Variants in PKHD1 observed in about 807,000 individuals in gnomAD.
The protein encoded by PKHD1 is fibrocystin.
A neutral mutation model predicts 412.0 loss-of-function variants in PKHD1; 291 were observed. The observed-to-expected ratio is 0.71, with a 90% CI of 0.64 to 0.78. The LOEUF (loss-of-function observed/expected upper bound fraction) is 0.78. Among genes scored for constraint, PKHD1 ranks in the 30% least tolerant of loss-of-function variants. PKHD1 has a pLI of 0.00. For missense variants in PKHD1, 4,825 were observed against 4,950.7 expected (o/e 0.97, Z 0.76); for synonymous variants, 1,777 against 1,821.5 (o/e 0.98, Z 0.62).
Position 52,083,209 on chromosome 6 carries a change from T to G in PKHD1, c.99A>C (p.Ala33=). The G allele has an allele frequency of 6.2e-7, 1 of 1,612,058 alleles. No homozygotes were observed. Among genetic ancestry groups the G allele is most frequent in the Admixed American group, 1.7e-5 (1 of 60,020 alleles). ...AAATGACTGTGATCCACGTTCCCCCTGCAAGGCTACCTTCTTCAGGTTCAA... is the reference window on the plus strand; with the variant it reads ...AAATGACTGTGATCCACGTTCCCCCGGCAAGGCTACCTTCTTCAGGTTCAA... ...LHIEPEEGSL[A]GGTWITVIFD... The change falls in exon 3 of 67, where the codon GCA becomes GCC. Residue 33 remains alanine (A), a synonymous_variant. Coordinates refer to ENST00000371117, the MANE Select transcript of PKHD1 (RefSeq NM_138694.4).
intron 61 of PKHD1, among the ~76,000 whole-genome samples, chr6:51,658,470 T>G (rs1317691939): frequency 6.6e-6 from 1 of 152,136 alleles, no homozygotes; most frequent in Non-Finnish European, 1.5e-5. Context: ...TTCTACCAAA[T>G]TCCACATTCA....
chr6:51,974,099 G>A lies in PKHD1; in HGVS notation c.5752-14073C>T, dbSNP rs115434374. ...ACCCCATGAAAAAGGGGGCAAGCAAGAAGCACAGTTTTCTATTATTCTACC... is the reference window on the plus strand; with the variant it reads ...ACCCCATGAAAAAGGGGGCAAGCAAAAAGCACAGTTTTCTATTATTCTACC... On this transcript the variant is annotated intron_variant, in intron 35 of 66. Transcript: ENST00000371117. 9.5e-3 allele frequency among the ~76,000 whole-genome samples: 1,450 copies of A among 152,264 alleles called. 23 individuals are homozygous for A. The highest frequency in any genetic ancestry group is 0.033 in the African/African-American group (1,385 of 41,554).
At chr6:51,706,892 T>C (rs538176922) in intron 60 of PKHD1, among the ~76,000 whole-genome samples, 1 of 152,322 alleles carries the variant, frequency 6.6e-6, no homozygotes, top group South Asian at 2.1e-4. Context: ...TAAGTTGAAC[T>C]CTCAAAATTA....
rs373950883 is a variant in PKHD1 at position 51,801,892 on chromosome 6, C to A, written c.8303-10519G>T. ...ATTGATCAATAAAATGTTTAACATA[C>A]AATGTTTATTTCTTCCTCTAGTCTA... On this transcript the variant is annotated intron_variant, in intron 52 of 66. Transcript: ENST00000371117. Among the ~76,000 whole-genome samples, 8 of 152,108 alleles carry A rather than the reference C, an allele frequency of 5.3e-5. No homozygotes were observed. In the East Asian group the frequency reaches 1.4e-3, roughly 26 times the overall value.
intron 63 of PKHD1, among the ~76,000 whole-genome samples, chr6:51,645,254 A>G (rs1367631718): frequency 6.6e-6 from 1 of 152,216 alleles, no homozygotes; most frequent in Non-Finnish European, 1.5e-5. Context: ...TTATTCCCCT[A>G]TTATAATATA....
intron 37 of PKHD1, among the ~76,000 whole-genome samples, chr6:51,929,040 GA>G (rs1583422646): frequency 6.6e-6 from 1 of 152,160 alleles, no homozygotes; most frequent in African/African-American, 2.4e-5. Context: ...AGAGACAGAA[GA>G]AAAGGGAGGA....
Position 52,025,600 on chromosome 6 carries a change from C to T in PKHD1, c.4210G>A (p.Gly1404Arg). The stretch of plus-strand genomic sequence containing the variant: ...AACCCCCTCACAGTAAGTATGGTCC[C>T]ACCACATGCCGAACCCTGCGATGGG... ...IFPSQGSACGGTILTVRGLLL... is the reference protein window; with the variant it reads ...IFPSQGSACGRTILTVRGLLL... The change falls in exon 32 of 67, where the codon GGG (glycine) becomes AGG (arginine). Residue 1404 changes from glycine (G) to arginine (R), a missense_variant. Transcript: ENST00000371117. 1 of 1,614,156 alleles carries T rather than the reference C, an allele frequency of 6.2e-7. No individual in the cohort carries two copies.
chr6:51,924,121 C>G, intron 37 of PKHD1, among the ~76,000 whole-genome samples: 1 of 152,220 alleles, frequency 6.6e-6, no homozygotes, highest in African/African-American at 2.4e-5. Flanking sequence ...ATACCCAATT[C>G]AATGATACTC....
intron 52 of PKHD1, among the ~76,000 whole-genome samples, chr6:51,813,708 G>C (rs12194206): frequency 0.33 from 49,460 of 151,954 alleles, 8,410 homozygotes; most frequent in Middle Eastern, 0.43. Context: ...ACTGTGATGG[G>C]AGATTGTAGA....
At chr6:51,925,420 T>A (rs1161150499) in intron 37 of PKHD1, among the ~76,000 whole-genome samples, 1 of 151,240 alleles carries the variant, frequency 6.6e-6, no homozygotes, top group Non-Finnish European at 1.5e-5. Flanking sequence ...CAACTTTAGC[T>A]AAATGTAAAT....
At position 52,069,620 on chromosome 6, in the gene PKHD1, A is replaced by C. The variant is rs982471697; in HGVS notation, c.708-93T>G. On this transcript the variant is annotated intron_variant, in intron 10 of 66. Transcript: ENST00000371117. ...TGCCTGAAAGGAAGATTGGGAACTA[A>C]CCTCTATTGATCTTTAGAACAGTTG... is the stretch of plus-strand genomic sequence containing the variant. 10 of 877,852 alleles carry C rather than the reference A, an allele frequency of 1.1e-5. No individual in the cohort carries two copies. In the Admixed American group the frequency reaches 1.5e-4, roughly 13 times the overall value. 54.4% of individuals were successfully genotyped at this position (877,852 alleles called of 1,614,324 possible).
chr6:52,086,481 G>T (rs1310260275), intron 1 of PKHD1, among the ~76,000 whole-genome samples: 1 of 151,858 alleles, frequency 6.6e-6, no homozygotes, highest in Non-Finnish European at 1.5e-5. Context: ...AAATATAAAA[G>T]CTACAATATA....
intron 53 of PKHD1, among the ~76,000 whole-genome samples, chr6:51,779,394 G>T (rs910841703): frequency 1.3e-5 from 2 of 152,028 alleles, no homozygotes; most frequent in Non-Finnish European, 2.9e-5. Flanking sequence ...TGTCAACTAA[G>T]TCTGGGTTAA....
chr6:51,989,901 G>GAGGAAGGAAAGA (rs1796696198), intron 35 of PKHD1, among the ~76,000 whole-genome samples: 1 of 2,740 alleles, frequency 3.6e-4, no homozygotes, highest in African/African-American at 1.6e-3. Flanking sequence ...AGGAAGGAGG[G>GAGGAAGGAAAGA]AGGAAGGAAG....
chr6:51,678,055 T>G (rs1389624424), intron 60 of PKHD1, among the ~76,000 whole-genome samples: 1 of 152,172 alleles, frequency 6.6e-6, no homozygotes, highest in African/African-American at 2.4e-5. Context: ...TCAAAGAATA[T>G]GGTCCCAATT....
intron 60 of PKHD1, among the ~76,000 whole-genome samples, chr6:51,710,778 A>G (rs563999647): frequency 6.4e-4 from 98 of 152,336 alleles, no homozygotes; most frequent in African/African-American, 2.1e-3. Context: ...ACAAAAACCA[A>G]ATGAGGTAAG....
intron 33 of PKHD1, 45 bp from the exon 34 acceptor site, chr6:52,017,674 T>A: frequency 7.0e-7 from 1 of 1,432,898 alleles, no homozygotes; most frequent in Non-Finnish European, 9.8e-7. Context: ...AGAGAGAACC[T>A]AAGGCCTCTA....
chr6:51,847,991 C>A, intron 49 of PKHD1, 21 bp from the exon 50 acceptor site: 1 of 1,554,246 alleles, frequency 6.4e-7, no homozygotes, highest in Non-Finnish European at 8.9e-7. Context: ...AAGAAAAACA[C>A]AATAGTGCTC....
chr6:52,024,756 A>T lies in PKHD1; in HGVS notation c.5054T>A (p.Ile1685Asn). 1 of 1,614,212 alleles carries T rather than the reference A, an allele frequency of 6.2e-7. No homozygotes were observed. Among genetic ancestry groups the T allele is most frequent in the Non-Finnish European group, 8.5e-7 (1 of 1,180,038 alleles). The change falls in exon 32 of 67, where the codon ATT (isoleucine) becomes AAT (asparagine). Residue 1685 changes from isoleucine (I) to asparagine (N), a missense_variant. Physicochemically the swap from Ile to Asn is moderately radical, Grantham distance 149 (BLOSUM62 -3). Coordinates refer to ENST00000371117, the MANE Select transcript of PKHD1 (RefSeq NM_138694.4). ...AQISGAANIDIFIGMSPCVGV... is the reference protein window; with the variant it reads ...AQISGAANIDNFIGMSPCVGV... ...CACACAGGGTGACATTCCTATAAAA[A>T]TGTCAATGTTTGCAGCTCCTGAGAT...
Sources: gnomAD v4.1 joint callset for allele counts (sites outside exome capture counted in the v4.1 genomes callset) on GRCh38, gnomAD v4.1.1 for gene constraint, MANE v1.5 for transcripts, NCBI Gene and HGNC (gene_info 2026-07-23, HGNC 2026-07-21) for gene names.